Variants in FUT8 observed in about 807,000 individuals in gnomAD.
The protein encoded by FUT8 is alpha-(1,6)-fucosyltransferase.
Under a neutral mutation model 71.3 loss-of-function variants are expected in FUT8, and 29 were observed. The ratio of observed to expected loss-of-function variants is 0.41; its 90% CI spans 0.30 to 0.55. FUT8 has a LOEUF of 0.55. Among genes scored for constraint, FUT8 ranks in the 20% least tolerant of loss-of-function variants. FUT8 has a pLI of 0.34. For synonymous variants in FUT8, 254 were observed against 239.3 expected, an observed-to-expected ratio of 1.06 and a Z score of -0.57; for missense variants, 544 against 702.1, an observed-to-expected ratio of 0.77 and a Z score of 2.55.
chr14:65,598,169 A>G (rs545529058), intron 3 of FUT8, among the ~76,000 whole-genome samples: 75 of 152,222 alleles, frequency 4.9e-4, no homozygotes, highest in African/African-American at 1.7e-3. Flanking sequence ...CTGTCTCAAA[A>G]ATTTTATTAT....
intron 7 of FUT8, among the ~76,000 whole-genome samples, chr14:65,693,192 G>A (rs1001558787): frequency 1.2e-4 from 19 of 152,298 alleles, no homozygotes; most frequent in Middle Eastern, 3.4e-3. Flanking sequence ...CCGAGATCAC[G>A]CCACTGCACT....
chr14:65,726,099 G>A (rs535326779), intron 9 of FUT8, among the ~76,000 whole-genome samples: 46 of 152,328 alleles, frequency 3.0e-4, no homozygotes, highest in Non-Finnish European at 5.4e-4. Flanking sequence ...GTTAATGTAA[G>A]AGGGATTAAA....
chr14:65,580,430 G>A (rs934874825), intron 3 of FUT8, among the ~76,000 whole-genome samples: 2 of 151,442 alleles, frequency 1.3e-5, no homozygotes, highest in Non-Finnish European at 2.9e-5. Context: ...ATATATATAT[G>A]TGTATATAAT....
chr14:65,468,054 T>G, intron 2 of FUT8: 1 of 661,786 alleles, frequency 1.5e-6, no homozygotes, highest in African/African-American at 1.8e-5. Flanking sequence ...GCCCTTAACT[T>G]GTTTGTTGAC....
intron 2 of FUT8, among the ~76,000 whole-genome samples, chr14:65,557,532 C>T (rs988833682): frequency 1.1e-4 from 16 of 151,582 alleles, no homozygotes; most frequent in African/African-American, 3.4e-4. Context: ...GGGGTTTCAC[C>T]ATCTTGGCCA....
At chr14:65,693,737 A>G (rs1372478813) in intron 7 of FUT8, among the ~76,000 whole-genome samples, 6 of 152,164 alleles carry the variant, frequency 3.9e-5, no homozygotes, top group East Asian at 1.9e-4. Flanking sequence ...TTCTGTTTCT[A>G]TTTTCTGGAA....
Position 65,632,516 on chromosome 14 carries a change from T to C in FUT8, c.597+2910T>C, listed in dbSNP as rs767127620. ...TTTTCATGTTTGTTGGCCATTTGTA[T>C]ATCGTCTTTTGAGAATTGTCTATTC... On this transcript the variant is annotated intron_variant, in intron 6 of 10. Coordinates refer to ENST00000673929, the MANE Select transcript of FUT8 (RefSeq NM_001371533.1). 2.0e-4 allele frequency among the ~76,000 whole-genome samples: 31 copies of C among 152,368 alleles called. No individual in the cohort carries two copies. The Middle Eastern group carries it at 0.01, about 50-fold the overall frequency.
intron 6 of FUT8, among the ~76,000 whole-genome samples, chr14:65,644,950 G>A (rs923123923): frequency 6.6e-6 from 1 of 152,024 alleles, no homozygotes; most frequent in African/African-American, 2.4e-5. Context: ...TATGTTTGGG[G>A]GCCATTTTCA....
chr14:65,742,968 T>A lies in FUT8; in HGVS notation c.*558T>A, dbSNP rs1054238. On this transcript the variant is annotated 3_prime_UTR_variant, in exon 11 of 11. Coordinates refer to ENST00000673929, the MANE Select transcript of FUT8 (RefSeq NM_001371533.1). ...ATAAGGTTGTCTGTTTTTTTTTTTT[T>A]AAATAATTGCATCAGTTCATTGACC... is the stretch of plus-strand genomic sequence containing the variant. The A allele has an allele frequency of 0.012, 1,855 of 151,908 alleles. 17 individuals carry two copies. Among genetic ancestry groups the A allele is most frequent in the South Asian group, 0.023 (112 of 4,796 alleles). 9.4% of individuals were successfully genotyped at this position (151,908 alleles called of 1,614,324 possible). A position where few individuals can be genotyped will look rare whatever the true frequency, so the allele number is the denominator to read the frequency against.
chr14:65,569,972 A>G (rs1886387627), intron 3 of FUT8, among the ~76,000 whole-genome samples: 1 of 151,998 alleles, frequency 6.6e-6, no homozygotes. Flanking sequence ...ATTTCTCTTC[A>G]GATTTGAAGT....
At chr14:65,733,470 A>C (rs1285372740) in intron 10 of FUT8, 89 bp downstream of exon 10, 1 of 953,890 alleles carries the variant, frequency 1.0e-6, no homozygotes, top group African/African-American at 1.7e-5. Context: ...TGTGTTGTTA[A>C]TGTTCATTAT....
At chr14:65,373,933 A>G in the FUT8 span, among the ~76,000 whole-genome samples, 2 of 151,450 alleles carry the variant, frequency 1.3e-5, no homozygotes, top group Non-Finnish European at 2.9e-5. Context: ...GCTGCCTGGC[A>G]AGGAGGGTTA....
chr14:65,712,680 G>T (rs1793531285), intron 7 of FUT8, among the ~76,000 whole-genome samples: 1 of 152,082 alleles, frequency 6.6e-6, no homozygotes, highest in Admixed American at 6.6e-5. Flanking sequence ...TCTGACCTCA[G>T]GTGATCCTCC....
intron 1 of FUT8, among the ~76,000 whole-genome samples, chr14:65,415,613 A>G (rs1329298279): frequency 6.6e-6 from 1 of 152,084 alleles, no homozygotes; most frequent in African/African-American, 2.4e-5. Context: ...AGCTTCAAGT[A>G]GAATCTTATA....
At chr14:65,594,406 T>C (rs148628990) in intron 3 of FUT8, among the ~76,000 whole-genome samples, 4 of 152,154 alleles carry the variant, frequency 2.6e-5, no homozygotes, top group Non-Finnish European at 5.9e-5. Context: ...CAGGTAGGGG[T>C]TTCTACGACC....
Position 65,669,687 on chromosome 14 carries a change from T to C in FUT8, c.835+207T>C, listed in dbSNP as rs1892385170. On this transcript the variant is annotated intron_variant, in intron 7 of 10. Transcript: ENST00000673929. This position sits in a 1 kb window ranked among gnomAD's most constrained non-coding sequence, Gnocchi z 4.5. ...ATTTCATTTCTGATGCTCATTTTTA[T>C]GTGAATTTAGCAAAATCACTGAGTT... is the stretch of plus-strand genomic sequence containing the variant. 6.6e-6 allele frequency among the ~76,000 whole-genome samples: 1 copy of C among 152,252 alleles called. No individual in the cohort carries two copies. Among genetic ancestry groups the C allele is most frequent in the Non-Finnish European group, 1.5e-5 (1 of 68,040 alleles).
At chr14:65,445,758 G>C (rs537101397) in intron 1 of FUT8, among the ~76,000 whole-genome samples, 2 of 152,108 alleles carry the variant, frequency 1.3e-5, no homozygotes, top group Non-Finnish European at 2.9e-5. Flanking sequence ...TCAAGGATTT[G>C]TATGAAAAGT....
At chr14:65,700,262 CA>C (rs1455608231) in intron 7 of FUT8, among the ~76,000 whole-genome samples, 1 of 152,038 alleles carries the variant, frequency 6.6e-6, no homozygotes, top group Non-Finnish European at 1.5e-5. Flanking sequence ...TATTTTCCCC[CA>C]AACATTTCAT....
At chr14:65,388,485 G>T in the FUT8 span, among the ~76,000 whole-genome samples, 1 of 152,160 alleles carries the variant, frequency 6.6e-6, no homozygotes, top group Non-Finnish European at 1.5e-5. Flanking sequence ...ATATCGGCCG[G>T]GCATGGTGGC....
Sources: allele counts gnomAD v4.1 joint callset (sites outside exome capture counted in the v4.1 genomes callset), GRCh38; gene constraint gnomAD v4.1.1; non-coding constraint Gnocchi (gnomAD v3.1); transcripts MANE v1.5; gene names NCBI Gene and HGNC (gene_info 2026-07-23, HGNC 2026-07-21).